Variants in FBXO42 observed in about 807,000 individuals in gnomAD.
FBXO42 encodes the protein F-box protein 42.
Under a neutral mutation model 71.7 loss-of-function variants are expected in FBXO42, and 12 were observed. The ratio of observed to expected loss-of-function variants is 0.17; its 90% confidence interval spans 0.11 to 0.27. The LOEUF (loss-of-function observed/expected upper bound fraction) is 0.27. Ranked by LOEUF, FBXO42 falls within the 10% of genes least tolerant of loss-of-function variation. The pLI, the probability that FBXO42 is intolerant of heterozygous loss-of-function variation, is 1.00. For missense variants in FBXO42, 707 were observed against 911.9 expected (o/e 0.78, Z 2.89); for synonymous variants, 325 against 327.5 (o/e 0.99, Z 0.08).
chr1:16,329,309 T>C (rs1341479193), intron 1 of FBXO42, among the ~76,000 whole-genome samples: 3 of 151,868 alleles, frequency 2.0e-5, no homozygotes, highest in Non-Finnish European at 4.4e-5. Flanking sequence ...ACAGGCCAGG[T>C]GCTGTGGTTC....
At position 16,249,772 on chromosome 1, in the gene FBXO42, C is replaced by T. The variant is rs1472907344; in HGVS notation, c.*898G>A. 6.7e-6 allele frequency: 1 copy of T among 149,326 alleles called. No homozygotes were observed. The highest frequency in any genetic ancestry group is 1.5e-5 in the Non-Finnish European group (1 of 67,598). The allele number at this position is 149,326 out of a possible 1,614,324, so 9.3% of individuals were successfully genotyped here. ...GAAAGTCAGACAGGTTTTAGGACTT[C>T]ACCACATATGAAAAAAAAAAAAGAA... On this transcript the variant is annotated 3_prime_UTR_variant, in exon 10 of 10. Transcript: ENST00000375592.
At chr1:16,267,177 T>C (rs2081785668) in intron 4 of FBXO42, among the ~76,000 whole-genome samples, 4 of 152,228 alleles carry the variant, frequency 2.6e-5, no homozygotes, top group Admixed American at 1.3e-4. Context: ...CTGGAACAGA[T>C]ACTAGTTTCT....
intron 1 of FBXO42, among the ~76,000 whole-genome samples, chr1:16,317,061 A>G (rs1187537390): frequency 6.6e-6 from 1 of 152,190 alleles, no homozygotes; most frequent in Non-Finnish European, 1.5e-5. Context: ...CGGGCGGATC[A>G]CCTGAGGTCA....
At chr1:16,336,483 G>C (rs2082554465) in intron 1 of FBXO42, among the ~76,000 whole-genome samples, 1 of 151,380 alleles carries the variant, frequency 6.6e-6, no homozygotes, top group African/African-American at 2.4e-5. Context: ...TCAGCCTCCT[G>C]AGTAGCTGGG....
intron 4 of FBXO42, among the ~76,000 whole-genome samples, chr1:16,270,691 A>AAG (rs1553150211): frequency 8.7e-5 from 3 of 34,296 alleles, no homozygotes; most frequent in African/African-American, 1.4e-4. Context: ...AAAAAAAAAA[A>AAG]AAAAAGAAAA....
rs535290312 is a variant in FBXO42 at position 16,274,899 on chromosome 1, T to G, written c.503-18140A>C. Among the ~76,000 whole-genome samples the G allele has an allele frequency of 8.5e-5, 13 of 152,234 alleles. No homozygotes were observed. The East Asian group carries it at 2.5e-3, about 29-fold the overall frequency. On this transcript the variant is annotated intron_variant, in intron 4 of 9. Coordinates refer to ENST00000375592, the MANE Select transcript of FBXO42 (RefSeq NM_018994.3). Reference sequence around the variant, plus strand: ...GCCACCATGCCCAGCTATCAAATTATGTCTTAATAGAATAATATTGTTTTT... The same window carrying G: ...GCCACCATGCCCAGCTATCAAATTAGGTCTTAATAGAATAATATTGTTTTT...
chr1:16,325,976 T>C (rs528432007), intron 1 of FBXO42, among the ~76,000 whole-genome samples: 33 of 148,454 alleles, frequency 2.2e-4, no homozygotes, highest in Admixed American at 4.0e-4. Flanking sequence ...AAATGCTTTA[T>C]TTGGTAGAAA....
chr1:16,305,003 C>A (rs550556518), intron 3 of FBXO42, among the ~76,000 whole-genome samples: 1 of 152,266 alleles, frequency 6.6e-6, no homozygotes, highest in South Asian at 2.1e-4. Flanking sequence ...TCTTAACAAA[C>A]TGCCTACAAT....
intron 1 of FBXO42, among the ~76,000 whole-genome samples, chr1:16,317,003 G>A (rs779918768): frequency 4.6e-5 from 7 of 152,102 alleles, no homozygotes; most frequent in African/African-American, 1.2e-4. Context: ...ATAGAAGGCC[G>A]GATGCAGTGG....
At chr1:16,255,531 C>T (rs1208003912) in intron 6 of FBXO42, among the ~76,000 whole-genome samples, 180 bp downstream of exon 6, 9 of 152,082 alleles carry the variant, frequency 5.9e-5, no homozygotes, top group Non-Finnish European at 8.8e-5. Context: ...GATGGGGCTT[C>T]GCCATGTTCG....
intron 4 of FBXO42, among the ~76,000 whole-genome samples, chr1:16,290,623 C>T (rs1387360648): frequency 6.6e-6 from 1 of 151,594 alleles, no homozygotes; most frequent in African/African-American, 2.4e-5. Context: ...ACCCAGGAGG[C>T]AGAGGTTGCA....
At chr1:16,262,011 C>A (rs533053874) in intron 4 of FBXO42, among the ~76,000 whole-genome samples, 52 of 152,118 alleles carry the variant, frequency 3.4e-4, no homozygotes, top group Admixed American at 2.6e-3. Context: ...CGCGCCTGGC[C>A]CAGGTATATC....
At chr1:16,345,263 A>G (rs990711624) in intron 1 of FBXO42, among the ~76,000 whole-genome samples, 9 of 150,384 alleles carry the variant, frequency 6.0e-5, no homozygotes, top group Non-Finnish European at 1.3e-4. Context: ...CTCTACTAAA[A>G]ATACAAAAAA....
At chr1:16,295,097 G>C (rs571628109) in intron 3 of FBXO42, among the ~76,000 whole-genome samples, 180 bp from the exon 4 acceptor site, 1 of 152,200 alleles carries the variant, frequency 6.6e-6, no homozygotes, top group South Asian at 2.1e-4. Flanking sequence ...TTTAAAACAA[G>C]GTCCAGAGGA....
chr1:16,329,635 C>A (rs1316821096), intron 1 of FBXO42, among the ~76,000 whole-genome samples: 1 of 150,188 alleles, frequency 6.7e-6, no homozygotes, highest in Admixed American at 6.7e-5. Context: ...TCCACAAATT[C>A]ATATTGATAT....
chr1:16,312,288 G>C (rs746319102), intron 2 of FBXO42, among the ~76,000 whole-genome samples: 1 of 152,096 alleles, frequency 6.6e-6, no homozygotes, highest in South Asian at 2.1e-4. Context: ...CTTGAGCCCG[G>C]GAGACGGAGG....
intron 1 of FBXO42, among the ~76,000 whole-genome samples, chr1:16,338,962 C>T (rs1269044244): frequency 1.3e-5 from 2 of 151,872 alleles, no homozygotes; most frequent in Non-Finnish European, 2.9e-5. Context: ...AGGTGCACAT[C>T]ATCACCCCCG....
rs148867533 is a variant in FBXO42 at position 16,332,106 on chromosome 1, T to C, written c.-17-16671A>G. On this transcript the variant is annotated intron_variant, in intron 1 of 9. Transcript: ENST00000375592. Reference sequence around the variant, plus strand: ...ATATCAGTTGCTGGTTATATCTCATTAGCTTTAATAGTTAGTCACTTCTGA... The same window carrying C: ...ATATCAGTTGCTGGTTATATCTCATCAGCTTTAATAGTTAGTCACTTCTGA... 3.0e-4 allele frequency among the ~76,000 whole-genome samples: 45 copies of C among 152,252 alleles called. No homozygotes were observed. In the East Asian group the frequency reaches 7.7e-3, roughly 26 times the overall value.
Position 16,250,641 on chromosome 1 carries a change from C to T in FBXO42, c.*29G>A. The T allele has an allele frequency of 6.3e-7, 1 of 1,581,612 alleles. No individual in the cohort carries two copies. The highest frequency in any genetic ancestry group is 8.6e-7 in the Non-Finnish European group (1 of 1,163,376). On this transcript the variant is annotated 3_prime_UTR_variant, in exon 10 of 10. Transcript: ENST00000375592. This position sits in a 1 kb window ranked among gnomAD's most constrained non-coding sequence, Gnocchi z 4.7. ...CACTGGAAAATTCCAAATTAAAAGCCACAGAAAAGGAAAGGGGTTTAGAAC... is the reference window on the plus strand; with the variant it reads ...CACTGGAAAATTCCAAATTAAAAGCTACAGAAAAGGAAAGGGGTTTAGAAC...
Sources: gnomAD v4.1 joint callset for allele counts (sites outside exome capture counted in the v4.1 genomes callset) on GRCh38, gnomAD v4.1.1 for gene constraint, Gnocchi (gnomAD v3.1) non-coding constraint, MANE v1.5 for transcripts, NCBI Gene and HGNC (gene_info 2026-07-23, HGNC 2026-07-21) for gene names.